Variants in RASGRP3 observed in about 807,000 individuals in gnomAD.
The protein encoded by RASGRP3 is ras guanyl-releasing protein 3.
RASGRP3 carries 54 observed loss-of-function variants against 82.7 expected under a neutral mutation model. That is an observed-to-expected ratio of 0.65 (90% confidence interval 0.52 to 0.82). The LOEUF (loss-of-function observed/expected upper bound fraction) is 0.82, where lower values mean the gene tolerates loss of function less well. RASGRP3 is among the 40% of genes least tolerant of loss of function. The pLI, the probability that RASGRP3 is intolerant of heterozygous loss-of-function variation, is 0.00. For synonymous variants in RASGRP3, 309 were observed against 300.5 expected, an observed-to-expected ratio of 1.03 and a Z score of -0.29; for missense variants, 861 against 828.9, an observed-to-expected ratio of 1.04 and a Z score of -0.48.
intron 10 of RASGRP3, chr2:33,533,751 G>C (rs1673325087): frequency 6.5e-6 from 1 of 153,108 alleles, no homozygotes; most frequent in Non-Finnish European, 1.5e-5. Context: ...AGCACTTAAA[G>C]TGGAGCAACT....
intron 2 of RASGRP3, among the ~76,000 whole-genome samples, chr2:33,463,100 AT>A (rs1192968971): frequency 6.6e-6 from 1 of 152,258 alleles, no homozygotes; most frequent in East Asian, 1.9e-4. Context: ...TCAAAAATGA[AT>A]GAAACTTGCT....
chr2:33,531,477 G>C (rs562991183), intron 10 of RASGRP3, among the ~76,000 whole-genome samples: 10 of 152,286 alleles, frequency 6.6e-5, no homozygotes, highest in African/African-American at 2.4e-4. Flanking sequence ...TACATTCACG[G>C]ATAAGCACAG....
intron 1 of RASGRP3, among the ~76,000 whole-genome samples, chr2:33,486,322 C>T (rs1668376648): frequency 6.6e-6 from 1 of 152,032 alleles, no homozygotes; most frequent in African/African-American, 2.4e-5. Context: ...CACCACCAAA[C>T]CCAGCTAATT....
chr2:33,522,104 TA>T lies in RASGRP3; in HGVS notation c.516+4del. The T allele has an allele frequency of 6.3e-7, 1 of 1,598,530 alleles. No homozygotes were observed. Among genetic ancestry groups the T allele is most frequent in the Non-Finnish European group, 8.5e-7 (1 of 1,175,882 alleles). ...CATAAATCTTTTAGAAGGATCTCAG[TA>T]AGAAACTTGACATTTATTCTTCCAA... On this transcript the variant is annotated splice_donor_region_variant and intron_variant, in intron 7 of 17. Coordinates refer to ENST00000403687, the MANE Select transcript of RASGRP3 (RefSeq NM_001139488.2).
upstream of RASGRP3, among the ~76,000 whole-genome samples, chr2:33,471,695 T>C (rs186955509): frequency 1.9e-3 from 289 of 152,250 alleles, no homozygotes; most frequent in African/African-American, 6.7e-3. Context: ...ACTAAGAGCT[T>C]TTTTTGGAAA....
At chr2:33,539,301 C>G (rs1367352025) in intron 12 of RASGRP3, 91 bp downstream of exon 12, 6 of 1,061,806 alleles carry the variant, frequency 5.7e-6, no homozygotes, top group Non-Finnish European at 8.4e-6. Flanking sequence ...CTGATGGAAC[C>G]CCTGAAAACA....
At chr2:33,498,116 C>T (rs1016188347) in intron 1 of RASGRP3, among the ~76,000 whole-genome samples, 2 of 152,066 alleles carry the variant, frequency 1.3e-5, no homozygotes, top group Non-Finnish European at 2.9e-5. Flanking sequence ...AAATAGGAAT[C>T]ATTGCATCCC....
At chr2:33,550,327 T>C (rs759088788) in intron 14 of RASGRP3, among the ~76,000 whole-genome samples, 3 of 152,202 alleles carry the variant, frequency 2.0e-5, no homozygotes, top group Non-Finnish European at 4.4e-5. Context: ...ACCATCTTGC[T>C]TATGAAGATA....
chr2:33,506,875 C>G (rs1051352389), intron 1 of RASGRP3, among the ~76,000 whole-genome samples: 12 of 152,154 alleles, frequency 7.9e-5, no homozygotes, highest in African/African-American at 2.4e-4. Flanking sequence ...GCCATAAGCA[C>G]CAGGCCCATT....
At chr2:33,497,317 T>C (rs1257909716) in intron 1 of RASGRP3, among the ~76,000 whole-genome samples, 2 of 152,186 alleles carry the variant, frequency 1.3e-5, no homozygotes, top group African/African-American at 4.8e-5. Context: ...TGTGGTGAGA[T>C]AAAGATTGGC....
upstream of RASGRP3, among the ~76,000 whole-genome samples, chr2:33,472,049 G>A (rs1467737990): frequency 2.0e-5 from 3 of 151,778 alleles, no homozygotes; most frequent in South Asian, 4.2e-4. Flanking sequence ...TTTTTTGGTA[G>A]CCTAATATAA....
chr2:33,514,527 A>C lies in RASGRP3; in HGVS notation c.-127-483A>C, dbSNP rs1156419008. On this transcript the variant is annotated intron_variant, in intron 2 of 17. Transcript: ENST00000403687. ...CTACAAAAAAAAAAAAAAAAAAAAA[A>C]CCCAAAAAATAGCCAGGAGTGGTGG... Among the ~76,000 whole-genome samples the C allele has an allele frequency of 2.7e-5, 4 of 146,628 alleles. No individual in the cohort carries two copies. The East Asian group carries it at 7.9e-4, about 29-fold the overall frequency.
chr2:33,479,573 G>A (rs1667704259), intron 1 of RASGRP3, among the ~76,000 whole-genome samples: 1 of 152,180 alleles, frequency 6.6e-6, no homozygotes. Context: ...AGCTGTGGGT[G>A]TAAGGGGTGG....
chr2:33,548,423 G>C (rs963901302), intron 13 of RASGRP3, among the ~76,000 whole-genome samples: 4 of 151,236 alleles, frequency 2.6e-5, no homozygotes, highest in Non-Finnish European at 5.9e-5. Context: ...GATGGCAGCA[G>C]GACTGAAGAA....
At chr2:33,495,513 G>A (rs941267198) in intron 1 of RASGRP3, among the ~76,000 whole-genome samples, 10 of 152,088 alleles carry the variant, frequency 6.6e-5, no homozygotes, top group South Asian at 2.1e-4. Context: ...CATGGACCAG[G>A]CCATGGCCCA....
At chr2:33,524,938 G>T (rs1217754858) in intron 9 of RASGRP3, among the ~76,000 whole-genome samples, 1 of 151,754 alleles carries the variant, frequency 6.6e-6, no homozygotes, top group Non-Finnish European at 1.5e-5. Context: ...AAAATTAGCC[G>T]GGTGTGGTGG....
At chr2:33,554,582 C>T (rs755025038) in intron 14 of RASGRP3, among the ~76,000 whole-genome samples, 43 of 152,126 alleles carry the variant, frequency 2.8e-4, no homozygotes, top group Admixed American at 7.9e-4. Context: ...ATGCCATTCT[C>T]CTGCCTCAGC....
intron 1 of RASGRP3, among the ~76,000 whole-genome samples, chr2:33,497,909 A>G (rs1213606640): frequency 6.6e-6 from 1 of 152,208 alleles, no homozygotes; most frequent in Non-Finnish European, 1.5e-5. Flanking sequence ...CATAGAAGAA[A>G]TGGGATTTAA....
At position 33,564,144 on chromosome 2, in the gene RASGRP3, A is replaced by G. The variant is rs2151134069; in HGVS notation, c.*1407A>G. ...GTTCTGCTCAGCAAAATTGTTGAGT[A>G]CCTGTTCTGGGCAGGTCCCACGCTA... On this transcript the variant is annotated 3_prime_UTR_variant, in exon 18 of 18. Coordinates refer to ENST00000403687, the MANE Select transcript of RASGRP3 (RefSeq NM_001139488.2). 1 of 152,322 alleles carries G rather than the reference A, an allele frequency of 6.6e-6. No homozygotes were observed. The highest frequency in any genetic ancestry group is 2.4e-5 in the African/African-American group (1 of 41,572). 9.4% of individuals were successfully genotyped at this position (152,322 alleles called of 1,614,324 possible).
Sources: gnomAD v4.1 joint callset for allele counts (sites outside exome capture counted in the v4.1 genomes callset) on GRCh38, gnomAD v4.1.1 for gene constraint, MANE v1.5 for transcripts, NCBI Gene and HGNC (gene_info 2026-07-23, HGNC 2026-07-21) for gene names.